The following GRID1 variants were observed in gnomAD, a reference collection of about 807,000 sequenced individuals.
GRID1 encodes glutamate ionotropic receptor delta type subunit 1, also known as glutamate receptor ionotropic, delta-1.
GRID1 carries 28 observed loss-of-function variants against 98.0 expected under a neutral mutation model. The observed-to-expected ratio is 0.29, with a 90% CI of 0.21 to 0.39. The LOEUF is 0.39. GRID1 is among the 10% of genes least tolerant of loss of function. The probability of loss-of-function intolerance (pLI) is 1.00; values close to 1 mark genes in which losing one functional copy is unlikely to be tolerated. For synonymous variants in GRID1, 553 were observed against 538.5 expected, an observed-to-expected ratio of 1.03 and a Z score of -0.37; for missense variants, 1,111 against 1,340.5, an observed-to-expected ratio of 0.83 and a Z score of 2.67.
intron 12 of GRID1, among the ~76,000 whole-genome samples, chr10:85,651,312 A>G (rs1843265954): frequency 6.6e-6 from 1 of 152,206 alleles, no homozygotes; most frequent in Non-Finnish European, 1.5e-5. Flanking sequence ...TGAAGGAGTC[A>G]TGGGTAACAG....
chr10:85,723,718 T>C (rs1374331431), intron 11 of GRID1, among the ~76,000 whole-genome samples: 1 of 152,218 alleles, frequency 6.6e-6, no homozygotes, highest in Non-Finnish European at 1.5e-5. Context: ...TTAGCCTCTT[T>C]GAGGCCAATT....
intron 8 of GRID1, among the ~76,000 whole-genome samples, chr10:85,799,217 T>C (rs1342429722): frequency 6.6e-6 from 1 of 152,140 alleles, no homozygotes; most frequent in Admixed American, 6.5e-5. Flanking sequence ...ATGTCTACAT[T>C]GGTACCAACC....
intron 13 of GRID1, among the ~76,000 whole-genome samples, chr10:85,632,386 A>AT (rs1842985649): frequency 6.6e-6 from 1 of 152,198 alleles, no homozygotes. Context: ...TTCAGAAGCC[A>AT]TAAGGATCAC....
chr10:86,171,687 T>C (rs997047461), intron 3 of GRID1, among the ~76,000 whole-genome samples: 2 of 152,204 alleles, frequency 1.3e-5, no homozygotes, highest in African/African-American at 4.8e-5. Flanking sequence ...GACCAAAAAG[T>C]TGGAGCAATA....
intron 4 of GRID1, among the ~76,000 whole-genome samples, chr10:86,034,900 TGG>T (rs1843234627): frequency 1.5e-5 from 2 of 129,216 alleles, no homozygotes; most frequent in African/African-American, 6.0e-5. Flanking sequence ...ATCAATGGAT[TGG>T]TGGATGGATG....
At chr10:85,706,731 C>A (rs955854987) in intron 12 of GRID1, among the ~76,000 whole-genome samples, 2 of 152,172 alleles carry the variant, frequency 1.3e-5, no homozygotes, top group African/African-American at 4.8e-5. Context: ...GCTACAGTCA[C>A]CAAAACAGCA....
At chr10:86,145,711 A>C (rs1845080520) in intron 3 of GRID1, among the ~76,000 whole-genome samples, 1 of 152,186 alleles carries the variant, frequency 6.6e-6, no homozygotes, top group Non-Finnish European at 1.5e-5. Context: ...AATAATATTA[A>C]ACAATATTAA....
intron 12 of GRID1, among the ~76,000 whole-genome samples, chr10:85,687,768 G>A (rs1325049943): frequency 6.6e-6 from 1 of 152,206 alleles, no homozygotes; most frequent in African/African-American, 2.4e-5. Flanking sequence ...AAAAGTTCAA[G>A]AACAATTTAA....
intron 4 of GRID1, among the ~76,000 whole-genome samples, chr10:86,111,953 T>A (rs1300074013): frequency 1.3e-5 from 2 of 151,774 alleles, no homozygotes; most frequent in African/African-American, 4.8e-5. Context: ...TGAGGTGTAG[T>A]CTCCACCCGA....
intron 15 of GRID1, among the ~76,000 whole-genome samples, chr10:85,612,360 C>T (rs1590158732): frequency 6.6e-6 from 1 of 152,322 alleles, no homozygotes; most frequent in African/African-American, 2.4e-5. Context: ...TTTCCTGTCC[C>T]AGTTTATTTT....
At chr10:85,952,518 C>A (rs530721557) in intron 4 of GRID1, among the ~76,000 whole-genome samples, 8 of 152,284 alleles carry the variant, frequency 5.3e-5, no homozygotes, top group Admixed American at 5.2e-4. Context: ...TACTGCAATG[C>A]CTTCAGGTTT....
intron 4 of GRID1, among the ~76,000 whole-genome samples, chr10:86,110,877 C>A (rs1844471100): frequency 6.6e-6 from 1 of 152,242 alleles, no homozygotes; most frequent in South Asian, 2.1e-4. Context: ...GTAAACAATT[C>A]TAAGAGCCTC....
At chr10:86,306,573 C>A (rs1299853824) in intron 2 of GRID1, among the ~76,000 whole-genome samples, 1 of 152,190 alleles carries the variant, frequency 6.6e-6, no homozygotes, top group South Asian at 2.1e-4. Flanking sequence ...CTATACTGGG[C>A]TCAGTTCCCT....
chr10:85,816,389 T>C (rs946529900), intron 8 of GRID1, among the ~76,000 whole-genome samples: 18 of 152,188 alleles, frequency 1.2e-4, no homozygotes, highest in African/African-American at 3.6e-4. Context: ...GAATCTTAAA[T>C]AGATTTTGCT....
At chr10:86,229,377 G>A (rs753200875) in intron 2 of GRID1, among the ~76,000 whole-genome samples, 1 of 152,150 alleles carries the variant, frequency 6.6e-6, no homozygotes, top group Non-Finnish European at 1.5e-5. Flanking sequence ...AAGCCAGGCT[G>A]CCAAGGTTAA....
At position 85,602,181 on chromosome 10, in the gene GRID1, G is replaced by A. The variant is rs79391231; in HGVS notation, c.*92C>T. On this transcript the variant is annotated 3_prime_UTR_variant, in exon 16 of 16. Coordinates refer to ENST00000327946, the MANE Select transcript of GRID1 (RefSeq NM_017551.3). The stretch of plus-strand genomic sequence containing the variant: ...AGTCTCTGTGTATGTGTGTGTGTGC[G>A]AGTGTGTGTGGTTTGTGTTGTTGTT... The A allele has an allele frequency of 2.0e-5, 14 of 696,596 alleles. No homozygotes were observed. The highest frequency in any genetic ancestry group is 1.2e-4 in the South Asian group (6 of 50,806). 43.2% of individuals were successfully genotyped at this position (696,596 alleles called of 1,614,324 possible). A position where few individuals can be genotyped will look rare whatever the true frequency, so the allele number is the denominator to read the frequency against.
intron 8 of GRID1, among the ~76,000 whole-genome samples, chr10:85,757,794 ACAGT>A (rs1408001591): frequency 1.3e-5 from 2 of 152,190 alleles, no homozygotes; most frequent in African/African-American, 4.8e-5. Context: ...CAAGGTGGGG[ACAGT>A]CATTCCTACC....
In GRID1 at chr10:86,263,615, G is replaced by A. The variant is rs988050775; in HGVS notation, c.236-56967C>T. Among the ~76,000 whole-genome samples, 4 of 152,162 alleles carry A rather than the reference G, an allele frequency of 2.6e-5. No individual in the cohort carries two copies. In the East Asian group the frequency reaches 5.8e-4, roughly 22 times the overall value. The stretch of plus-strand genomic sequence containing the variant: ...CCTGCTGTGCCACTCACTAGTTGTG[G>A]GACCTTGAGATGTCACCTCACCTCT... On this transcript the variant is annotated intron_variant, in intron 2 of 15. Coordinates refer to ENST00000327946, the MANE Select transcript of GRID1 (RefSeq NM_017551.3).
intron 4 of GRID1, among the ~76,000 whole-genome samples, chr10:85,941,438 T>C (rs1391428836): frequency 6.6e-6 from 1 of 152,206 alleles, no homozygotes; most frequent in Non-Finnish European, 1.5e-5. Context: ...CATATATGCA[T>C]AGACAGATGA....
Sources: allele counts gnomAD v4.1 joint callset (sites outside exome capture counted in the v4.1 genomes callset), GRCh38; gene constraint gnomAD v4.1.1; transcripts MANE v1.5; gene names NCBI Gene and HGNC (gene_info 2026-07-23, HGNC 2026-07-21).